Variants in PCDH15 observed in about 807,000 individuals in gnomAD.
PCDH15 encodes the protein protocadherin related 15.
PCDH15 carries 129 observed loss-of-function variants against 178.5 expected under a neutral mutation model. The ratio of observed to expected loss-of-function variants is 0.72; its 90% confidence interval spans 0.63 to 0.84. PCDH15 has a LOEUF of 0.84. Ranked by LOEUF, PCDH15 falls within the 40% of genes least tolerant of loss-of-function variation. PCDH15 has a pLI of 0.00. For synonymous variants in PCDH15, 800 were observed against 732.0 expected, an observed-to-expected ratio of 1.09 and a Z score of -1.50; for missense variants, 2,230 against 2,099.9, an observed-to-expected ratio of 1.06 and a Z score of -1.21.
At chr10:54,880,997 C>T (rs1004523303) in intron 3 of PCDH15, among the ~76,000 whole-genome samples, 2 of 151,830 alleles carry the variant, frequency 1.3e-5, no homozygotes, top group Non-Finnish European at 2.9e-5. Flanking sequence ...TATTTTACAT[C>T]TGAGATAAAA....
At position 54,591,472 on chromosome 10, in the gene PCDH15, T is replaced by C. The variant is rs190010215; in HGVS notation, c.92-63595A>G. 1.9e-3 allele frequency among the ~76,000 whole-genome samples: 285 copies of C among 152,274 alleles called. 1 individual carries two copies. Among genetic ancestry groups the C allele is most frequent in the Non-Finnish European group, 1.9e-3 (126 of 68,010 alleles). On this transcript the variant is annotated intron_variant, in intron 2 of 37. Coordinates refer to ENST00000644397, the MANE Select transcript of PCDH15 (RefSeq NM_001384140.1). ...AAGATCGAGAAAACTGATTCTCCCC[T>C]AGAGCCTCCAGAAAGTAGCATTACC...
intron 3 of PCDH15, among the ~76,000 whole-genome samples, chr10:54,446,719 T>C (rs1178492380): frequency 1.3e-5 from 2 of 151,510 alleles, no homozygotes; most frequent in Non-Finnish European, 3.0e-5. Context: ...CCCCTTGAGA[T>C]TTTAGTATCT....
intron 2 of PCDH15, among the ~76,000 whole-genome samples, chr10:55,152,456 T>C (rs1297579692): frequency 6.6e-6 from 1 of 152,110 alleles, no homozygotes; most frequent in African/African-American, 2.4e-5. Flanking sequence ...TTTTTAAAAA[T>C]GAAAAGAGAA....
intron 2 of PCDH15, among the ~76,000 whole-genome samples, chr10:55,569,575 T>G (rs1842367367): frequency 6.7e-6 from 1 of 149,968 alleles, no homozygotes; most frequent in Non-Finnish European, 1.5e-5. Context: ...CAAAGAATTT[T>G]CTAAAAAAAA....
intron 2 of PCDH15, among the ~76,000 whole-genome samples, chr10:55,398,982 T>G (rs534158624): frequency 2.6e-5 from 4 of 152,274 alleles, no homozygotes; most frequent in Admixed American, 1.3e-4. Flanking sequence ...GTAGAATAAC[T>G]ATTATATTCA....
chr10:53,990,928 C>T (rs960645572), intron 21 of PCDH15, among the ~76,000 whole-genome samples: 17 of 152,132 alleles, frequency 1.1e-4, no homozygotes, highest in African/African-American at 3.9e-4. Flanking sequence ...GCCACCGGCC[C>T]TGGGCAGTGA....
chr10:55,088,948 C>A (rs1241479053), intron 2 of PCDH15, among the ~76,000 whole-genome samples: 3 of 151,838 alleles, frequency 2.0e-5, no homozygotes, highest in East Asian at 3.9e-4. Context: ...ATGCAGGGCC[C>A]AAAGCATTTC....
At chr10:53,950,625 T>C (rs2086945848) in intron 23 of PCDH15, among the ~76,000 whole-genome samples, 1 of 152,174 alleles carries the variant, frequency 6.6e-6, no homozygotes. Context: ...CTTTTAAAAC[T>C]GATGACAAGT....
intron 2 of PCDH15, among the ~76,000 whole-genome samples, chr10:55,496,360 A>G (rs1840534495): frequency 6.6e-6 from 1 of 151,630 alleles, no homozygotes; most frequent in Admixed American, 6.6e-5. Context: ...TTTATAAATA[A>G]TAACACAGCT....
chr10:54,859,070 G>A (rs1210780587), intron 3 of PCDH15, among the ~76,000 whole-genome samples: 1 of 152,018 alleles, frequency 6.6e-6, no homozygotes, highest in Non-Finnish European at 1.5e-5. Flanking sequence ...TCAGGGTAAA[G>A]TGCTCTTTGT....
At chr10:54,340,026 G>T (rs1420812597) in intron 6 of PCDH15, among the ~76,000 whole-genome samples, 1 of 152,044 alleles carries the variant, frequency 6.6e-6, no homozygotes, top group African/African-American at 2.4e-5. Flanking sequence ...TATACCTATT[G>T]CAGTGGTCCT....
At chr10:55,037,539 T>C (rs1840768512) in intron 2 of PCDH15, among the ~76,000 whole-genome samples, 1 of 152,174 alleles carries the variant, frequency 6.6e-6, no homozygotes, top group Non-Finnish European at 1.5e-5. Context: ...GCCAATGACA[T>C]CTTAATTTTT....
chr10:54,025,789 G>T (rs544027693), intron 18 of PCDH15, among the ~76,000 whole-genome samples: 1 of 151,930 alleles, frequency 6.6e-6, no homozygotes, highest in South Asian at 2.1e-4. Flanking sequence ...GAGCCACTGC[G>T]CCTGGCCATT....
chr10:54,234,154 G>GTGTT (rs1200844016), intron 9 of PCDH15, among the ~76,000 whole-genome samples: 1 of 151,578 alleles, frequency 6.6e-6, no homozygotes, highest in Non-Finnish European at 1.5e-5. Context: ...GTGTGTGTGT[G>GTGTT]TGTGTGTGTG....
chr10:54,338,116 G>A (rs1259571515), intron 6 of PCDH15, among the ~76,000 whole-genome samples: 1 of 152,116 alleles, frequency 6.6e-6, no homozygotes, highest in Non-Finnish European at 1.5e-5. Context: ...CAACTTCCAA[G>A]GAAACTGTAT....
At chr10:55,581,424 G>C (rs977700397) in intron 2 of PCDH15, among the ~76,000 whole-genome samples, 2 of 151,310 alleles carry the variant, frequency 1.3e-5, no homozygotes, top group Non-Finnish European at 2.9e-5. Flanking sequence ...AATCTAAATA[G>C]ATATCCAGTT....
At chr10:54,061,220 A>G (rs1439887209) in intron 18 of PCDH15, among the ~76,000 whole-genome samples, 1 of 152,092 alleles carries the variant, frequency 6.6e-6, no homozygotes, top group Non-Finnish European at 1.5e-5. Flanking sequence ...CATATCTGAG[A>G]CCCATTCTAA....
chr10:54,593,369 T>G (rs1405650934), intron 2 of PCDH15, among the ~76,000 whole-genome samples: 1 of 152,176 alleles, frequency 6.6e-6, no homozygotes, highest in Non-Finnish European at 1.5e-5. Context: ...TGGTAAGAGC[T>G]TATCTTCATT....
intron 3 of PCDH15, among the ~76,000 whole-genome samples, chr10:54,496,266 A>T (rs551160107): frequency 6.6e-6 from 1 of 152,144 alleles, no homozygotes; most frequent in Admixed American, 6.6e-5. Flanking sequence ...CTAAGTTTCC[A>T]AGTGGAAACT....
Sources: gnomAD v4.1 joint callset for allele counts (sites outside exome capture counted in the v4.1 genomes callset) on GRCh38, gnomAD v4.1.1 for gene constraint, MANE v1.5 for transcripts, NCBI Gene and HGNC (gene_info 2026-07-23, HGNC 2026-07-21) for gene names.